The following ELMO1 variants were observed in gnomAD, a reference collection of about 807,000 sequenced individuals.
ELMO1 encodes engulfment and cell motility protein 1.
A neutral mutation model predicts 98.9 loss-of-function variants in ELMO1; 26 were observed. The observed-to-expected ratio is 0.26, with a 90% CI of 0.19 to 0.36. ELMO1 has a LOEUF of 0.36. Among genes scored for constraint, ELMO1 ranks in the 10% least tolerant of loss-of-function variants. The pLI, the probability that ELMO1 is intolerant of heterozygous loss-of-function variation, is 1.00. For synonymous variants in ELMO1, 346 were observed against 346.0 expected (o/e 1.00, Z 0.00); for missense variants, 627 against 935.2 (o/e 0.67, Z 4.30).
intron 2 of ELMO1, among the ~76,000 whole-genome samples, chr7:37,318,422 G>A (rs1367392229): frequency 6.6e-6 from 1 of 152,186 alleles, no homozygotes; most frequent in Non-Finnish European, 1.5e-5. Flanking sequence ...AGAAGGTATT[G>A]TTGAGGTAGG....
At chr7:37,405,706 A>G (rs1157021574) in intron 1 of ELMO1, among the ~76,000 whole-genome samples, 1 of 152,232 alleles carries the variant, frequency 6.6e-6, no homozygotes, top group Non-Finnish European at 1.5e-5. Flanking sequence ...ATTCCCTGGC[A>G]GTTAAAATAC....
intron 16 of ELMO1, among the ~76,000 whole-genome samples, chr7:36,954,095 G>C (rs114297066): frequency 6.6e-6 from 1 of 152,138 alleles, no homozygotes; most frequent in Admixed American, 6.5e-5. Context: ...GCTCAGAAGA[G>C]CATCTACATA....
At chr7:37,103,690 A>G (rs1364544545) in intron 14 of ELMO1, among the ~76,000 whole-genome samples, 2 of 152,056 alleles carry the variant, frequency 1.3e-5, no homozygotes, top group Non-Finnish European at 2.9e-5. Context: ...AAAATATTAA[A>G]TAAAAAAAAT....
intron 13 of ELMO1, among the ~76,000 whole-genome samples, chr7:37,171,396 C>A (rs548148333): frequency 2.8e-4 from 42 of 150,502 alleles, no homozygotes; most frequent in African/African-American, 8.8e-4. Flanking sequence ...ATAGATACAG[C>A]AGCAGTATTT....
Position 36,981,418 on chromosome 7 carries a change from C to T in ELMO1, c.1437+31881G>A, listed in dbSNP as rs114435209. ...AGGATAATATCTGGTATTGAAGGCA[C>T]GGATTTGAAGACCAAATTAACTGAA... is the stretch of plus-strand genomic sequence containing the variant. On this transcript the variant is annotated intron_variant, in intron 16 of 21. Coordinates refer to ENST00000310758, the MANE Select transcript of ELMO1 (RefSeq NM_014800.11). Among the ~76,000 whole-genome samples, 517 of 151,834 alleles carry T rather than the reference C, an allele frequency of 3.4e-3. 3 individuals are homozygous for T. Among genetic ancestry groups the T allele is most frequent in the African/African-American group, 0.012 (495 of 41,400 alleles).
chr7:36,928,579 C>A (rs1562831567), intron 16 of ELMO1, among the ~76,000 whole-genome samples: 1 of 152,170 alleles, frequency 6.6e-6, no homozygotes, highest in Admixed American at 6.5e-5. Flanking sequence ...CACCCTGCAA[C>A]AGAGAGATAA....
In ELMO1 at chr7:37,303,970, A is replaced by G. The variant is rs151252195; in HGVS notation, c.192+10880T>C. 1.1e-3 allele frequency among the ~76,000 whole-genome samples: 172 copies of G among 152,308 alleles called. 4 individuals carry two copies. In the East Asian group the frequency reaches 0.017, roughly 15 times the overall value. On this transcript the variant is annotated intron_variant, in intron 4 of 21. Transcript: ENST00000310758. ...CATAAAACCCACCGACATCTGAGTA[A>G]TGCTGGTGGCGGTCGCTGCCCTGCT...
chr7:36,967,364 A>G (rs930939996), intron 16 of ELMO1, among the ~76,000 whole-genome samples: 1 of 152,210 alleles, frequency 6.6e-6, no homozygotes. Flanking sequence ...GTTAAAAAAG[A>G]ATACCTATTT....
intron 16 of ELMO1, among the ~76,000 whole-genome samples, chr7:36,935,039 A>G (rs1250190287): frequency 6.6e-6 from 1 of 152,204 alleles, no homozygotes; most frequent in Non-Finnish European, 1.5e-5. Context: ...TGCCTTTGAT[A>G]TGGTTTGGCT....
At chr7:37,133,274 G>T in intron 13 of ELMO1, 40 bp from the exon 14 acceptor site, 1 of 1,532,650 alleles carries the variant, frequency 6.5e-7, no homozygotes, top group Non-Finnish European at 9.0e-7. Context: ...GAATTCTTCA[G>T]CAGATTTTAC....
At chr7:36,924,130 C>G (rs1201986415) in intron 16 of ELMO1, among the ~76,000 whole-genome samples, 2 of 152,200 alleles carry the variant, frequency 1.3e-5, no homozygotes, top group Admixed American at 1.3e-4. Context: ...CTTGTTTCAA[C>G]CACACTCCAC....
At chr7:37,443,873 T>A (rs11972497) in intron 1 of ELMO1, among the ~76,000 whole-genome samples, 16,752 of 152,200 alleles carry the variant, frequency 0.11, 1,066 homozygotes, top group Admixed American at 0.18. Flanking sequence ...CTGGCCTTCA[T>A]GATCCTTTTA....
At chr7:36,864,953 GC>G in intron 20 of ELMO1, among the ~76,000 whole-genome samples, 1 of 152,236 alleles carries the variant, frequency 6.6e-6, no homozygotes, top group South Asian at 2.1e-4. Flanking sequence ...ATCCTTCCAT[GC>G]CCTGAGGCCC....
At chr7:36,932,339 G>T (rs1361422673) in intron 16 of ELMO1, among the ~76,000 whole-genome samples, 1 of 152,176 alleles carries the variant, frequency 6.6e-6, no homozygotes, top group African/African-American at 2.4e-5. Flanking sequence ...AGAAAACAAT[G>T]TGCTGAATAC....
At chr7:36,967,217 T>G (rs1789518800) in intron 16 of ELMO1, among the ~76,000 whole-genome samples, 1 of 152,220 alleles carries the variant, frequency 6.6e-6, no homozygotes, top group Non-Finnish European at 1.5e-5. Context: ...ATTTGAAGCT[T>G]GAATGTTTTT....
chr7:37,130,612 C>A (rs916070673), intron 14 of ELMO1, among the ~76,000 whole-genome samples: 2 of 152,080 alleles, frequency 1.3e-5, no homozygotes, highest in African/African-American at 4.8e-5. Context: ...AGTCTTGGAG[C>A]AGGATGCTGA....
At chr7:37,385,921 T>C (rs1317621559) in intron 1 of ELMO1, among the ~76,000 whole-genome samples, 2 of 152,230 alleles carry the variant, frequency 1.3e-5, no homozygotes, top group African/African-American at 4.8e-5. Context: ...CAGGAAGTCC[T>C]AGTGTTACGT....
intron 14 of ELMO1, among the ~76,000 whole-genome samples, chr7:37,097,815 C>A (rs1359855176): frequency 6.6e-6 from 1 of 152,128 alleles, no homozygotes; most frequent in Non-Finnish European, 1.5e-5. Context: ...GAGACTGGTT[C>A]CACCTATTCC....
At position 37,259,210 on chromosome 7, in the gene ELMO1, G is replaced by C; in HGVS notation, c.384C>G (p.Leu128=). 6.2e-7 allele frequency: 1 copy of C among 1,614,044 alleles called. No homozygotes were observed. Among genetic ancestry groups the C allele is most frequent in the East Asian group, 2.2e-5 (1 of 44,878 alleles). The change falls in exon 6 of 22, where the codon CTC becomes CTG. Residue 128 remains leucine (L), a synonymous_variant. Coordinates refer to ENST00000310758, the MANE Select transcript of ELMO1 (RefSeq NM_014800.11). ...QEFINLDGIS[L]LTQMVESGTE... is the part of the protein sequence containing the mutation. ...TGCCGCTCTCCACCATCTGCGTGAG[G>C]AGAGAGATACCGTCCAGGTTTATAA...
Sources: allele counts gnomAD v4.1 joint callset (sites outside exome capture counted in the v4.1 genomes callset), GRCh38; gene constraint gnomAD v4.1.1; transcripts MANE v1.5; gene names NCBI Gene and HGNC (gene_info 2026-07-23, HGNC 2026-07-21).